The following CSRNP3 variants were observed in gnomAD, a reference collection of about 807,000 sequenced individuals.
The protein encoded by CSRNP3 is cysteine/serine-rich nuclear protein 3.
Under a neutral mutation model 48.0 loss-of-function variants are expected in CSRNP3, and 12 were observed. The observed-to-expected ratio is 0.25, with a 90% confidence interval of 0.16 to 0.41. The LOEUF (loss-of-function observed/expected upper bound fraction) is 0.41. Ranked by LOEUF, CSRNP3 falls within the 10% of genes least tolerant of loss-of-function variation. The pLI is 1.00. For synonymous variants in CSRNP3, 263 were observed against 269.7 expected, an observed-to-expected ratio of 0.98 and a Z score of 0.24; for missense variants, 580 against 724.4, an observed-to-expected ratio of 0.80 and a Z score of 2.29.
chr2:165,583,022 G>A lies in CSRNP3; in HGVS notation c.-23-12021G>A, dbSNP rs564683944. 2.5e-4 allele frequency among the ~76,000 whole-genome samples: 38 copies of A among 152,324 alleles called. 2 individuals are homozygous for A. The highest frequency in any genetic ancestry group is 8.7e-4 in the African/African-American group (36 of 41,566). On this transcript the variant is annotated intron_variant, in intron 3 of 6. Coordinates refer to ENST00000651982, the MANE Select transcript of CSRNP3 (RefSeq NM_001172173.2). ...GGCTTAAGCAGACACTTGGACAAGT[G>A]AAGTACATTTGGCCAACTTGTGCTT...
intron 3 of CSRNP3, among the ~76,000 whole-genome samples, chr2:165,540,832 G>C (rs1684947017): frequency 1.3e-5 from 2 of 152,000 alleles, no homozygotes; most frequent in South Asian, 4.1e-4. Flanking sequence ...TCCATCTTCT[G>C]TACCTGGTAG....
intron 4 of CSRNP3, among the ~76,000 whole-genome samples, chr2:165,601,954 C>T (rs1252673418): frequency 1.3e-5 from 2 of 152,154 alleles, no homozygotes; most frequent in Non-Finnish European, 2.9e-5. Context: ...ATGTTACAGG[C>T]TCTGAGCTAG....
At chr2:165,673,291 C>T (rs761757688) in intron 5 of CSRNP3, among the ~76,000 whole-genome samples, 2 of 151,768 alleles carry the variant, frequency 1.3e-5, no homozygotes, top group African/African-American at 2.4e-5. Flanking sequence ...GTGTACCCCT[C>T]CATGCCTGGC....
Position 165,595,130 on chromosome 2 carries a change from G to A in CSRNP3, c.65G>A (p.Arg22Lys), listed in dbSNP as rs200907525. 1.2e-6 allele frequency: 2 copies of A among 1,614,142 alleles called. No homozygotes were observed. Among genetic ancestry groups the A allele is most frequent in the Non-Finnish European group, 1.7e-6 (2 of 1,180,016 alleles). The change falls in exon 4 of 7, where the codon AGG becomes AAG. Residue 22 changes from arginine (R) to lysine (K), a missense_variant. By Grantham distance (26) the Arg-to-Lys change is conservative (BLOSUM62 2). Coordinates refer to ENST00000651982, the MANE Select transcript of CSRNP3 (RefSeq NM_001172173.2). Reference protein sequence around the residue: ...VDGSSPCSSVRESDDEVSSSE... With the variant: ...VDGSSPCSSVKESDDEVSSSE... The stretch of plus-strand genomic sequence containing the variant: ...GGCTCCTCACCCTGCTCCTCTGTGA[G>A]GGAATCAGATGATGAAGTTTCCAGC...
At chr2:165,532,576 A>G (rs1466344291) in intron 3 of CSRNP3, among the ~76,000 whole-genome samples, 3 of 152,078 alleles carry the variant, frequency 2.0e-5, no homozygotes, top group East Asian at 1.9e-4. Flanking sequence ...AATAAGAGCT[A>G]TCTATGACAA....
At chr2:165,494,995 T>C (rs1290974159) in intron 2 of CSRNP3, 67 bp downstream of exon 2, 1 of 152,586 alleles carries the variant, frequency 6.6e-6, no homozygotes, top group African/African-American at 2.4e-5. Context: ...CTTGGGGGCT[T>C]TAGCTTAATT....
intron 4 of CSRNP3, among the ~76,000 whole-genome samples, chr2:165,610,038 A>C (rs1256164784): frequency 6.6e-6 from 1 of 152,220 alleles, no homozygotes. Context: ...ACTTTCATTA[A>C]ACATTCAATG....
chr2:165,605,806 C>T (rs1686000709), intron 4 of CSRNP3, among the ~76,000 whole-genome samples: 1 of 151,952 alleles, frequency 6.6e-6, no homozygotes, highest in Non-Finnish European at 1.5e-5. Flanking sequence ...CAAAATTATT[C>T]TTCTGAAAAA....
chr2:165,591,465 G>T (rs1459360010), intron 3 of CSRNP3, among the ~76,000 whole-genome samples: 1 of 152,214 alleles, frequency 6.6e-6, no homozygotes, highest in Non-Finnish European at 1.5e-5. Flanking sequence ...TAATCACCAA[G>T]ACAATGGGGA....
intron 4 of CSRNP3, among the ~76,000 whole-genome samples, chr2:165,609,465 G>GAAAAA (rs34249194): frequency 3.5e-4 from 34 of 97,566 alleles, no homozygotes; most frequent in Non-Finnish European, 5.1e-4. Context: ...TCTAAAAAAA[G>GAAAAA]AAAAAAAAAA....
chr2:165,682,941 A>T lies in CSRNP3; in HGVS notation c.*3188A>T, dbSNP rs1299030873. On this transcript the variant is annotated 3_prime_UTR_variant, in exon 7 of 7. Transcript: ENST00000651982. ...ACACACAACTTTTTAGTCATTCACT[A>T]TCAATTGCAAAGCTTCATGCTCCAG... 6.6e-6 allele frequency: 1 copy of T among 152,142 alleles called. No homozygotes were observed. The highest frequency in any genetic ancestry group is 1.5e-5 in the Non-Finnish European group (1 of 68,022). 9.4% of individuals were successfully genotyped at this position (152,142 alleles called of 1,614,324 possible).
At chr2:165,677,988 G>A (rs1336099523) in intron 6 of CSRNP3, among the ~76,000 whole-genome samples, 2 of 150,128 alleles carry the variant, frequency 1.3e-5, no homozygotes, top group Admixed American at 1.3e-4. Context: ...GAGAGGGAAG[G>A]GGGGACTCAG....
intron 5 of CSRNP3, among the ~76,000 whole-genome samples, chr2:165,665,837 A>T (rs1230264132): frequency 6.7e-6 from 1 of 148,994 alleles, no homozygotes; most frequent in Non-Finnish European, 1.5e-5. Context: ...GGAAGAAAGG[A>T]AGCAAGGAAG....
At chr2:165,528,542 T>C (rs997514730) in intron 3 of CSRNP3, among the ~76,000 whole-genome samples, 8 of 152,232 alleles carry the variant, frequency 5.3e-5, no homozygotes, top group Non-Finnish European at 7.4e-5. Context: ...TGTTTCTGCA[T>C]GTGGATATCC....
intron 4 of CSRNP3, among the ~76,000 whole-genome samples, chr2:165,629,524 G>GTTGTT (rs1424346660): frequency 6.6e-5 from 10 of 152,262 alleles, no homozygotes; most frequent in Admixed American, 5.2e-4. Context: ...GATGCCTTTT[G>GTTGTT]TTGTTTTGTT....
intron 1 of CSRNP3, among the ~76,000 whole-genome samples, chr2:165,481,993 G>A (rs1225261304): frequency 6.6e-6 from 1 of 152,052 alleles, no homozygotes; most frequent in Non-Finnish European, 1.5e-5. Context: ...TCACTACCTT[G>A]GAGATGGGAC....
Position 165,553,600 on chromosome 2 carries a change from TTC to T in CSRNP3, c.-24+35644_-24+35645del, listed in dbSNP as rs139639369. ...TCTTTTCTTACTGCAAAACTTCAGT[TTC>T]TCTCCGCCCTCATCTTCATGATCTT... On this transcript the variant is annotated intron_variant, in intron 3 of 6. Transcript: ENST00000651982. Among the ~76,000 whole-genome samples the T allele has an allele frequency of 4.1e-4, 62 of 152,304 alleles. 2 individuals carry two copies. The East Asian group carries it at 0.012, about 28-fold the overall frequency.
In CSRNP3 at chr2:165,679,729, C is replaced by T. The variant is rs777664315; in HGVS notation, c.1734C>T (p.Pro578=). 1.6e-5 allele frequency: 26 copies of T among 1,613,452 alleles called. No individual in the cohort carries two copies. Among genetic ancestry groups the T allele is most frequent in the East Asian group, 1.3e-4 (6 of 44,870 alleles). ...TGCATGAAGAGTGCATCAAATCACCCGTGGTTGAGACAGTCCCTGTTTAGT... is the reference window on the plus strand; with the variant it reads ...TGCATGAAGAGTGCATCAAATCACCTGTGGTTGAGACAGTCCCTGTTTAGT... ...SILHEECIKS[P]VVETVPV Residue 578 remains proline, a synonymous_variant, in exon 7 of 7, where the codon CCC becomes CCT. Coordinates refer to ENST00000651982, the MANE Select transcript of CSRNP3 (RefSeq NM_001172173.2).
intron 3 of CSRNP3, among the ~76,000 whole-genome samples, chr2:165,588,265 G>A (rs1223387734): frequency 6.6e-6 from 1 of 152,224 alleles, no homozygotes; most frequent in Non-Finnish European, 1.5e-5. Flanking sequence ...TGGCTCAAAT[G>A]AGGATGAAGA....
Sources: gnomAD v4.1 joint callset for allele counts (sites outside exome capture counted in the v4.1 genomes callset) on GRCh38, gnomAD v4.1.1 for gene constraint, MANE v1.5 for transcripts, NCBI Gene and HGNC (gene_info 2026-07-23, HGNC 2026-07-21) for gene names.